The following SLC6A3 variants were observed in gnomAD, a reference collection of about 807,000 sequenced individuals.
The protein encoded by SLC6A3 is solute carrier family 6 member 3.
A neutral mutation model predicts 70.4 loss-of-function variants in SLC6A3; 19 were observed. The observed-to-expected ratio is 0.27, with a 90% confidence interval of 0.19 to 0.40. The LOEUF (loss-of-function observed/expected upper bound fraction) is 0.40, where lower values mean the gene tolerates loss of function less well. SLC6A3 is among the 10% of genes least tolerant of loss of function. The pLI is 1.00. For missense variants in SLC6A3, 613 were observed against 838.5 expected, an observed-to-expected ratio of 0.73 and a Z score of 3.32; for synonymous variants, 368 against 356.6, an observed-to-expected ratio of 1.03 and a Z score of -0.36.
In SLC6A3 at chr5:1,404,493, C is replaced by T. The variant is rs763072650; in HGVS notation, c.1600-1404G>A. 6.6e-6 allele frequency among the ~76,000 whole-genome samples: 1 copy of T among 152,244 alleles called. No individual in the cohort carries two copies. Among genetic ancestry groups the T allele is most frequent in the Non-Finnish European group, 1.5e-5 (1 of 68,028 alleles). ...TTTCTTAGAAAGAACTATGCCTCCC[C>T]AGGCCACAGTCTGCCCATGTAAGTT... On this transcript the variant is annotated intron_variant, in intron 12 of 14. Coordinates refer to ENST00000270349, the MANE Select transcript of SLC6A3 (RefSeq NM_001044.5). The surrounding 1 kb of genome is among the most constrained non-coding windows in gnomAD (Gnocchi z 5.2).
At chr5:1,444,269 G>A (rs1733748243) in intron 1 of SLC6A3, among the ~76,000 whole-genome samples, 1 of 152,148 alleles carries the variant, frequency 6.6e-6, no homozygotes. Context: ...CGCTGAGCAG[G>A]AGAGCAGGAG....
At chr5:1,420,282 C>T (rs2126367362) in intron 6 of SLC6A3, among the ~76,000 whole-genome samples, 1 of 152,360 alleles carries the variant, frequency 6.6e-6, no homozygotes, top group East Asian at 1.9e-4. Context: ...TCCCCCATGG[C>T]CCAGCTGAGT....
chr5:1,434,146 C>G (rs1190909073), intron 3 of SLC6A3, among the ~76,000 whole-genome samples: 1 of 152,256 alleles, frequency 6.6e-6, no homozygotes, highest in Non-Finnish European at 1.5e-5. Flanking sequence ...TGGAGCCATC[C>G]AAGGTCACAC....
In SLC6A3 at chr5:1,441,563, C is replaced by T. The variant is rs919967325; in HGVS notation, c.287-73G>A. On this transcript the variant is annotated intron_variant, in intron 2 of 14. Coordinates refer to ENST00000270349, the MANE Select transcript of SLC6A3 (RefSeq NM_001044.5). ...TCTCTCCTCGTGGGAGCTTGGGCGGCTACCCCAGTCAACCATCCATGTCCT... is the reference window on the plus strand; with the variant it reads ...TCTCTCCTCGTGGGAGCTTGGGCGGTTACCCCAGTCAACCATCCATGTCCT... 5.2e-6 allele frequency: 8 copies of T among 1,551,368 alleles called. No homozygotes were observed. In the African/African-American group the frequency reaches 9.5e-5, roughly 18 times the overall value.
At chr5:1,415,464 C>T (rs1247970671) in intron 7 of SLC6A3, among the ~76,000 whole-genome samples, 2 of 152,202 alleles carry the variant, frequency 1.3e-5, no homozygotes, top group Non-Finnish European at 2.9e-5. Context: ...TGCCTTCCAG[C>T]GCCCACTCTC....
rs28363093 is a variant in SLC6A3 at position 1,412,549 on chromosome 5, C to T, written c.1157-1194G>A. Among the ~76,000 whole-genome samples, 624 of 152,294 alleles carry T rather than the reference C, an allele frequency of 4.1e-3. 3 individuals carry two copies. The highest frequency in any genetic ancestry group is 6.0e-3 in the Non-Finnish European group (407 of 68,032). Reference sequence around the variant, plus strand: ...CAGACTCGGATGGAGGTGGAGGGGACGAGAGTGTGGCAGGCAGGCGACCAA... The same window carrying T: ...CAGACTCGGATGGAGGTGGAGGGGATGAGAGTGTGGCAGGCAGGCGACCAA... On this transcript the variant is annotated intron_variant, in intron 8 of 14. Transcript: ENST00000270349.
intron 3 of SLC6A3, among the ~76,000 whole-genome samples, chr5:1,433,099 C>T (rs1756743649): frequency 6.6e-6 from 1 of 152,106 alleles, no homozygotes; most frequent in Admixed American, 6.5e-5. Flanking sequence ...CACAGCCACT[C>T]AGGATCCATA....
chr5:1,442,664 C>A lies in SLC6A3; in HGVS notation c.286+248G>T, dbSNP rs984447668. Reference sequence around the variant, plus strand: ...TGCCCCGTCTGCCGCCCCCCACCCCCCAGCTTCTTCGCGGGCCTCCCTTTC... The same window carrying A: ...TGCCCCGTCTGCCGCCCCCCACCCCACAGCTTCTTCGCGGGCCTCCCTTTC... On this transcript the variant is annotated intron_variant, in intron 2 of 14. Transcript: ENST00000270349. The surrounding 1 kb of genome is among the most constrained non-coding windows in gnomAD (Gnocchi z 5.0). 5.9e-5 allele frequency among the ~76,000 whole-genome samples: 9 copies of A among 152,182 alleles called. No individual in the cohort carries two copies.
intron 4 of SLC6A3, among the ~76,000 whole-genome samples, chr5:1,422,367 A>G (rs378607): frequency 0.42 from 43,740 of 104,500 alleles, 9,116 homozygotes; most frequent in East Asian, 0.57. Flanking sequence ...GGTGCCCACC[A>G]CTGCCCAGTG....
At position 1,406,583 on chromosome 5, in the gene SLC6A3, G is replaced by A. The variant is rs545005362; in HGVS notation, c.1499-295C>T. Among the ~76,000 whole-genome samples the A allele has an allele frequency of 5.2e-4, 79 of 152,310 alleles. No homozygotes were observed. Among genetic ancestry groups the A allele is most frequent in the Non-Finnish European group, 9.4e-4 (64 of 68,020 alleles). On this transcript the variant is annotated intron_variant, in intron 11 of 14. Coordinates refer to ENST00000270349, the MANE Select transcript of SLC6A3 (RefSeq NM_001044.5). This position sits in a 1 kb window ranked among gnomAD's most constrained non-coding sequence, Gnocchi z 8.8. ...CCTCGGGTCCTCCTCCCCATCCCATGGCTCTCCCTGTCTCCCTCTGCTGCT... is the reference window on the plus strand; with the variant it reads ...CCTCGGGTCCTCCTCCCCATCCCATAGCTCTCCCTGTCTCCCTCTGCTGCT...
chr5:1,417,314 A>G (rs577148903), intron 6 of SLC6A3, among the ~76,000 whole-genome samples: 254 of 152,098 alleles, frequency 1.7e-3, no homozygotes, highest in Non-Finnish European at 2.7e-3. Context: ...CCCTCAGAAC[A>G]GCATGGATCA....
intron 6 of SLC6A3, among the ~76,000 whole-genome samples, chr5:1,417,638 G>T (rs976928152): frequency 6.6e-6 from 1 of 152,250 alleles, no homozygotes; most frequent in Non-Finnish European, 1.5e-5. Flanking sequence ...AACCTGCTAA[G>T]GTGAGGGCAC....
chr5:1,422,835 C>G (rs879241734), intron 4 of SLC6A3, among the ~76,000 whole-genome samples: 8 of 53,596 alleles, frequency 1.5e-4, no homozygotes, highest in Admixed American at 2.3e-4. Context: ...GCTGCCCACG[C>G]TGCTGGGTGC....
At position 1,411,005 on chromosome 5, in the gene SLC6A3, A is replaced by C. The variant is rs2126343281; in HGVS notation, c.1269+238T>G. Among the ~76,000 whole-genome samples, 1 of 152,208 alleles carries C rather than the reference A, an allele frequency of 6.6e-6. No individual in the cohort carries two copies. The highest frequency in any genetic ancestry group is 1.9e-4 in the East Asian group (1 of 5,170). The stretch of plus-strand genomic sequence containing the variant: ...CCAGGATCTGTAGGTGGCTCAGGGC[A>C]GGGCACACAGGTACCCCAGAGTAGG... On this transcript the variant is annotated intron_variant, in intron 9 of 14. Transcript: ENST00000270349. The surrounding 1 kb of genome is among the most constrained non-coding windows in gnomAD (Gnocchi z 6.5).
At chr5:1,433,690 C>T (rs1406626858) in intron 3 of SLC6A3, among the ~76,000 whole-genome samples, 1 of 152,104 alleles carries the variant, frequency 6.6e-6, no homozygotes, top group Non-Finnish European at 1.5e-5. Context: ...CATCCACAGC[C>T]ATCTACAGAC....
In SLC6A3 at chr5:1,442,414, C is replaced by A. The variant is rs1365462787; in HGVS notation, c.286+498G>T. Among the ~76,000 whole-genome samples the A allele has an allele frequency of 2.0e-5, 3 of 152,132 alleles. No individual in the cohort carries two copies. Among genetic ancestry groups the A allele is most frequent in the South Asian group, 4.1e-4 (2 of 4,828 alleles). On this transcript the variant is annotated intron_variant, in intron 2 of 14. Transcript: ENST00000270349. This position sits in a 1 kb window ranked among gnomAD's most constrained non-coding sequence, Gnocchi z 5.0. ...GGGATCACCAATGTTCTTGGACGTC[C>A]CCGGTGGCCCTGCCTCGATCTTCGC...
At position 1,397,074 on chromosome 5, in the gene SLC6A3, C is replaced by A. The variant is rs1018175186; in HGVS notation, c.1840-2316G>T. Among the ~76,000 whole-genome samples the A allele has an allele frequency of 6.6e-6, 1 of 152,178 alleles. No homozygotes were observed. The highest frequency in any genetic ancestry group is 2.4e-5 in the African/African-American group (1 of 41,532). On this transcript the variant is annotated intron_variant, in intron 14 of 14. Coordinates refer to ENST00000270349, the MANE Select transcript of SLC6A3 (RefSeq NM_001044.5). This position sits in a 1 kb window ranked among gnomAD's most constrained non-coding sequence, Gnocchi z 4.7. ...ATAAGATGCGTTACTCAACTGTGCA[C>A]CTAAGATTCAAATGAAAACAAAATC...
At chr5:1,424,025 T>G (rs1415289557) in intron 4 of SLC6A3, among the ~76,000 whole-genome samples, 1 of 152,072 alleles carries the variant, frequency 6.6e-6, no homozygotes, top group Non-Finnish European at 1.5e-5. Flanking sequence ...CTCTTCAAAC[T>G]CCAGACACCC....
In SLC6A3 at chr5:1,397,372, A is replaced by C. The variant is rs953105515; in HGVS notation, c.1840-2614T>G. Among the ~76,000 whole-genome samples, 3 of 152,240 alleles carry C rather than the reference A, an allele frequency of 2.0e-5. No homozygotes were observed. The South Asian group carries it at 6.2e-4, about 31-fold the overall frequency. ...CGCGAACCCGGGAGGCGGAGCTTGC[A>C]GTGAGCCGAGATTGCGCCACTGCAC... On this transcript the variant is annotated intron_variant, in intron 14 of 14. Coordinates refer to ENST00000270349, the MANE Select transcript of SLC6A3 (RefSeq NM_001044.5). The surrounding 1 kb of genome is among the most constrained non-coding windows in gnomAD (Gnocchi z 4.7).
Sources: allele counts gnomAD v4.1 joint callset (sites outside exome capture counted in the v4.1 genomes callset), GRCh38; gene constraint gnomAD v4.1.1; non-coding constraint Gnocchi (gnomAD v3.1); transcripts MANE v1.5; gene names NCBI Gene and HGNC (gene_info 2026-07-23, HGNC 2026-07-21).